Variants in LAMA5 observed in about 807,000 individuals in gnomAD.
LAMA5 encodes laminin subunit alpha-5.
LAMA5 carries 260 observed loss-of-function variants against 433.4 expected under a neutral mutation model. The observed-to-expected ratio is 0.60, with a 90% CI of 0.54 to 0.66. The LOEUF is 0.66. Among genes scored for constraint, LAMA5 ranks in the 30% least tolerant of loss-of-function variants. LAMA5 has a pLI of 0.00. For missense variants in LAMA5, 5,378 were observed against 5,258.5 expected, an observed-to-expected ratio of 1.02 and a Z score of -0.70; for synonymous variants, 2,620 against 2,226.6, an observed-to-expected ratio of 1.18 and a Z score of -4.97.
chr20:62,314,516 G>T (rs764463610), intron 61 of LAMA5, 39 bp downstream of exon 61: 1 of 1,606,162 alleles, frequency 6.2e-7, no homozygotes. Flanking sequence ...TCCAAACAGA[G>T]CCTGAGCTCG....
rs752496998 is a variant in LAMA5 at position 62,315,979 on chromosome 20, C to T, written c.7836G>A (p.Gln2612=). 7.5e-6 allele frequency: 12 copies of T among 1,607,552 alleles called. No homozygotes were observed. The highest frequency in any genetic ancestry group is 1.0e-5 in the Non-Finnish European group (12 of 1,179,090). Residue 2612 remains glutamine, a synonymous_variant, in exon 58 of 80, where the codon CAG becomes CAA. Transcript: ENST00000252999. ...CCATGGCAAGCATGGCCTGCGCCGC[C>T]TGGATGTGCGCCTCCAGCTGGTCCT... The part of the protein sequence containing the change: ...AKKDQLEAHI[Q]AAQAMLAMDT...
chr20:62,362,323 G>T (rs1329734414), intron 2 of LAMA5, 77 bp downstream of exon 2: 1 of 1,332,538 alleles, frequency 7.5e-7, no homozygotes, highest in Non-Finnish European at 9.8e-7. Flanking sequence ...CTCGCCTTCT[G>T]GTCCTGTGGC....
chr20:62,317,142 G>T (rs1246767505), intron 55 of LAMA5, 119 bp from the exon 56 acceptor site: 2 of 1,284,360 alleles, frequency 1.6e-6, no homozygotes, highest in Non-Finnish European at 2.1e-6. Context: ...CCCGCCTCCA[G>T]GTCTTTGCCC....
rs1045409662 is a variant in LAMA5 at position 62,310,874 on chromosome 20, C to T, written c.10281+28G>A. ...CAGGGTAGGGCTGCCAGGCCCTGCC[C>T]ACCACCTTCCTTCTTCTCGGCCCTC... On this transcript the variant is annotated intron_variant, in intron 74 of 79. Transcript: ENST00000252999. 9 of 1,605,914 alleles carry T rather than the reference C, an allele frequency of 5.6e-6. No homozygotes were observed. In the African/African-American group the frequency reaches 9.4e-5, roughly 17 times the overall value.
intron 18 of LAMA5, among the ~76,000 whole-genome samples, chr20:62,335,602 T>C (rs1416942999): frequency 7.5e-5 from 4 of 53,608 alleles, no homozygotes; most frequent in African/African-American, 3.3e-4. Context: ...CAGGACACCC[T>C]CATGGGTACA....
chr20:62,321,849 C>G (rs1389184935), intron 48 of LAMA5, among the ~76,000 whole-genome samples, 170 bp downstream of exon 48: 1 of 151,808 alleles, frequency 6.6e-6, no homozygotes, highest in Middle Eastern at 3.2e-3. Context: ...AGCAGTGGAG[C>G]TGCAGCGCTC....
At chr20:62,363,949 G>A (rs904531081) in intron 1 of LAMA5, among the ~76,000 whole-genome samples, 32 of 152,188 alleles carry the variant, frequency 2.1e-4, no homozygotes, top group Non-Finnish European at 3.8e-4. Context: ...CACCCAAGAT[G>A]CAGCTCTGCA....
chr20:62,311,958 A>G lies in LAMA5; in HGVS notation c.9597T>C (p.Gly3199=). The G allele has an allele frequency of 6.2e-7, 1 of 1,612,664 alleles. No individual in the cohort carries two copies. The highest frequency in any genetic ancestry group is 1.3e-5 in the African/African-American group (1 of 75,052). The change falls in exon 70 of 80, where the codon GGT becomes GGC. Residue 3199 remains glycine, a synonymous_variant. Coordinates refer to ENST00000252999, the MANE Select transcript of LAMA5 (RefSeq NM_005560.6). ...TGTAGAAGGCGACGTAATGGGGGGC[A>G]CCATCGGCGAAGCCCGCTTGAGTTT... ...EVKTQAGFAD[G]APHYVAFYSN...
Position 62,312,746 on chromosome 20 carries a change from C to A in LAMA5, c.9113G>T (p.Arg3038Leu). 1 of 1,591,608 alleles carries A rather than the reference C, an allele frequency of 6.3e-7. No homozygotes were observed. The highest frequency in any genetic ancestry group is 8.5e-7 in the Non-Finnish European group (1 of 1,170,614). The change falls in exon 67 of 80, where the codon CGT becomes CTT. Residue 3038 changes from arginine to leucine, a missense_variant. Transcript: ENST00000252999. ...GGCCCGCTCCACACGCACCAGCACA[C>A]GCTTGCGGCTGCCCCCCAGCAGGAA... is the stretch of plus-strand genomic sequence containing the variant. ...QVFLLGGSRKRVLVRVERATV... is the reference protein window; with the variant it reads ...QVFLLGGSRKLVLVRVERATV...
chr20:62,313,573 C>A (rs1986562978), intron 63 of LAMA5, 76 bp downstream of exon 63: 3 of 1,580,986 alleles, frequency 1.9e-6, no homozygotes, highest in Admixed American at 1.8e-5. Flanking sequence ...ACCAAAAGAA[C>A]CCGCGGCTCT....
Position 62,324,313 on chromosome 20 carries a change from T to TCC in LAMA5, c.5644-111_5644-110dup. On this transcript the variant is annotated intron_variant, in intron 42 of 79. Transcript: ENST00000252999. The surrounding 1 kb of genome is among the most constrained non-coding windows in gnomAD (Gnocchi z 4.4). ...AGACTCTGTGCCCAAGGCCAGATGG[T>TCC]CCCCCACTGGGCAACACCCTTCCCC... 6.8e-7 allele frequency: 1 copy of TCC among 1,466,898 alleles called. No individual in the cohort carries two copies. The highest frequency in any genetic ancestry group is 9.3e-7 in the Non-Finnish European group (1 of 1,077,906). 90.9% of individuals were successfully genotyped at this position (1,466,898 alleles called of 1,614,324 possible). A position where few individuals can be genotyped will look rare whatever the true frequency, so the allele number is the denominator to read the frequency against.
At chr20:62,319,057 G>A (rs1423090277) in intron 51 of LAMA5, 44 bp from the exon 52 acceptor site, 1 of 1,471,944 alleles carries the variant, frequency 6.8e-7, no homozygotes, top group Admixed American at 2.4e-5. Context: ...GCCCGTACTA[G>A]TGCACCTCTG....
At position 62,314,887 on chromosome 20, in the gene LAMA5, C is replaced by T. The variant is rs973649038; in HGVS notation, c.8108G>A (p.Arg2703His). The part of the protein sequence containing the change: ...LLAKLSILEN[R>H]GVHNASLALS... ...GGCCAGGCTGGCGTTGTGCACCCCA[C>T]GGTTCTCCAGGATGCTCAGCTTGGC... The change falls in exon 60 of 80, where the codon CGT becomes CAT. Residue 2703 changes from arginine to histidine, a missense_variant. Arg to His is a conservative substitution (Grantham distance 29). Transcript: ENST00000252999. 6 of 1,611,542 alleles carry T rather than the reference C, an allele frequency of 3.7e-6. No individual in the cohort carries two copies. The highest frequency in any genetic ancestry group is 1.3e-5 in the African/African-American group (1 of 75,038).
chr20:62,335,167 T>G, intron 19 of LAMA5, 41 bp from the exon 20 acceptor site: 2 of 1,611,398 alleles, frequency 1.2e-6, no homozygotes, highest in Non-Finnish European at 1.7e-6. Flanking sequence ...CAGGGGAGGG[T>G]CCTGACCAGT....
At position 62,309,196 on chromosome 20, in the gene LAMA5, A is replaced by C. The variant is rs111432113; in HGVS notation, c.*140T>G. The C allele has an allele frequency of 2.4e-6, 2 of 830,468 alleles. No individual in the cohort carries two copies. Among genetic ancestry groups the C allele is most frequent in the African/African-American group, 3.5e-5 (2 of 57,492 alleles). The allele number at this position is 830,468 out of a possible 1,614,324, so 51.4% of individuals were successfully genotyped here. ...CAGTATTTTATTCTTTCGTTTAAGA[A>C]GCTATAACTTAAACCATCTTCAGAA... On this transcript the variant is annotated 3_prime_UTR_variant, in exon 80 of 80. Transcript: ENST00000252999.
chr20:62,337,543 C>T, intron 16 of LAMA5, 47 bp downstream of exon 16: 1 of 1,561,694 alleles, frequency 6.4e-7, no homozygotes, highest in Non-Finnish European at 8.7e-7. Flanking sequence ...AGCACAGACC[C>T]ACACACAGGC....
chr20:62,323,912 G>T, intron 43 of LAMA5, 56 bp from the exon 44 acceptor site: 3 of 1,515,898 alleles, frequency 2.0e-6, no homozygotes, highest in East Asian at 4.8e-5. Flanking sequence ...GGGCCCGGGC[G>T]AGCACACTGT....
rs2146209617 is a variant in LAMA5 at position 62,334,239 on chromosome 20, G to C, written c.2686C>G (p.Leu896Val). ...CTCCAGCTGAAGTTCTCGAACTCGA[G>C]GGGGTTGAAGCCAAAGCGCACGGCG... ...GHAVRFGFNP[L>V]EFENFSWRGY... The change falls in exon 22 of 80, where the codon CTC (leucine) becomes GTC (valine). Residue 896 changes from leucine (L) to valine (V), a missense_variant. Coordinates refer to ENST00000252999, the MANE Select transcript of LAMA5 (RefSeq NM_005560.6). 6.2e-7 allele frequency: 1 copy of C among 1,612,950 alleles called. No individual in the cohort carries two copies. Among genetic ancestry groups the C allele is most frequent in the African/African-American group, 1.3e-5 (1 of 75,068 alleles).
rs147111128 is a variant in LAMA5, at chr20:62,337,636, C to T, written c.2118G>A (p.Arg706=). The change falls in exon 16 of 80, where the codon CGG becomes CGA. Residue 706 remains arginine, a synonymous_variant. Coordinates refer to ENST00000252999, the MANE Select transcript of LAMA5 (RefSeq NM_005560.6). Reference sequence around the variant, plus strand: ...AGGCACCGGGCACACATGTGTCACACCGCAGCCCCGTCACACGGGGCCGGC... The same window carrying T: ...AGGCACCGGGCACACATGTGTCACATCGCAGCCCCGTCACACGGGGCCGGC... The part of the protein sequence containing the change: ...CSCRPRVTGL[R]CDTCVPGAYN... 2 of 1,612,060 alleles carry T rather than the reference C, an allele frequency of 1.2e-6. No individual in the cohort carries two copies. Among genetic ancestry groups the T allele is most frequent in the African/African-American group, 2.7e-5 (2 of 74,942 alleles).
Sources: allele counts gnomAD v4.1 joint callset (sites outside exome capture counted in the v4.1 genomes callset), GRCh38; gene constraint gnomAD v4.1.1; non-coding constraint Gnocchi (gnomAD v3.1); transcripts MANE v1.5; gene names NCBI Gene and HGNC (gene_info 2026-07-23, HGNC 2026-07-21).